HINT1: variants seen among roughly 807,000 people sequenced by gnomAD.
HINT1 encodes the protein adenosine 5'-monophosphoramidase HINT1.
Under a neutral mutation model 11.2 loss-of-function variants are expected in HINT1, and 12 were observed. The observed-to-expected ratio is 1.07, with a 90% CI of 0.69 to 1.74. HINT1 has a LOEUF of 1.74. Among genes scored for constraint, HINT1 ranks in the 40% most tolerant of loss-of-function variants. The probability of loss-of-function intolerance (pLI) is 0.00; values close to 1 mark genes in which losing one functional copy is unlikely to be tolerated. For synonymous variants in HINT1, 42 were observed against 52.6 expected (o/e 0.80, Z 0.87); for missense variants, 150 against 161.8 (o/e 0.93, Z 0.40).
chr5:131,161,750 T>C (rs1755255040), intron 2 of HINT1, among the ~76,000 whole-genome samples: 1 of 152,194 alleles, frequency 6.6e-6, no homozygotes, highest in African/African-American at 2.4e-5. Context: ...GTTTCTAAGT[T>C]TCAGAAATAA....
rs1755240094 is a variant in HINT1, at chr5:131,161,252, A to G, written c.216+1320T>C. On this transcript the variant is annotated intron_variant, in intron 2 of 2. Transcript: ENST00000304043. ...TCCTTACAGAAAAGAGCTGCATTTG[A>G]GTAAGAAGCTCTGACCTTAAAATGC... Among the ~76,000 whole-genome samples, 4 of 152,196 alleles carry G rather than the reference A, an allele frequency of 2.6e-5. No individual in the cohort carries two copies. The South Asian group carries it at 8.3e-4, about 31-fold the overall frequency.
intron 1 of HINT1, 69 bp downstream of exon 1, chr5:131,165,011 CCCTCCTCTCCCTCCG>C (rs777567225): frequency 6.3e-7 from 1 of 1,583,660 alleles, no homozygotes; most frequent in South Asian, 1.1e-5. Context: ...CACTCGCGAC[CCCTCCTCTCCCTCCG>C]CGAGAAACCC....
Position 131,164,049 on chromosome 5 carries a change from AT to A in HINT1, c.111+1045del, listed in dbSNP as rs970998918. ...AATTTCCCCTGAGTAGAGACAAAGT[AT>A]TTTTTTTTTTAATTTACCTAGAGGA... is the stretch of plus-strand genomic sequence containing the variant. On this transcript the variant is annotated intron_variant, in intron 1 of 2. Coordinates refer to ENST00000304043, the MANE Select transcript of HINT1 (RefSeq NM_005340.7). Among the ~76,000 whole-genome samples the A allele has an allele frequency of 6.8e-3, 1,010 of 149,072 alleles. 7 individuals are homozygous for A. Among genetic ancestry groups the A allele is most frequent in the African/African-American group, 0.016 (640 of 41,056 alleles).
At position 131,159,569 on chromosome 5, in the gene HINT1, C is replaced by A; in HGVS notation, c.259G>T (p.Asp87Tyr). 6.2e-7 allele frequency: 1 copy of A among 1,613,710 alleles called. No individual in the cohort carries two copies. Residue 87 changes from aspartate (D) to tyrosine (Y), a missense_variant, in exon 3 of 3, where the codon GAT (aspartate) becomes TAT (tyrosine). Transcript: ENST00000304043. The stretch of plus-strand genomic sequence containing the variant: ...CGATAACCCTTATTCAGGCCCAGAT[C>A]AGCAGCACATTTCTTGCCAACAATC... ...LMIVGKKCAA[D>Y]LGLNKGYRMV...
intron 2 of HINT1, among the ~76,000 whole-genome samples, chr5:131,161,688 T>C (rs1002780012): frequency 3.3e-5 from 5 of 152,222 alleles, no homozygotes; most frequent in Non-Finnish European, 5.9e-5. Flanking sequence ...GCTCTAATCT[T>C]TGAACTCTGT....
At chr5:131,161,492 C>T (rs990175331) in intron 2 of HINT1, among the ~76,000 whole-genome samples, 1 of 150,992 alleles carries the variant, frequency 6.6e-6, no homozygotes, top group African/African-American at 2.4e-5. Flanking sequence ...CCCAGCTACT[C>T]AGGAGGGCAG....
intron 2 of HINT1, among the ~76,000 whole-genome samples, chr5:131,160,185 T>A (rs1054923883): frequency 1.6e-5 from 2 of 121,510 alleles, no homozygotes; most frequent in African/African-American, 1.1e-4. Flanking sequence ...CCAAGTGCTG[T>A]TTTAAGTTTT....
intron 1 of HINT1, among the ~76,000 whole-genome samples, chr5:131,164,499 A>G (rs1004789005): frequency 6.6e-6 from 1 of 152,098 alleles, no homozygotes; most frequent in Admixed American, 6.5e-5. Context: ...CTTGGGGTGG[A>G]GATAGGGATA....
intron 1 of HINT1, 57 bp from the exon 2 acceptor site, chr5:131,162,733 A>G (rs950996517): frequency 8.9e-7 from 1 of 1,121,312 alleles, no homozygotes; most frequent in African/African-American, 1.6e-5. Context: ...GGTAGGATAA[A>G]ACTTATTTCA....
rs1354963469 is a variant in HINT1 at position 131,162,108 on chromosome 5, G to A, written c.216+464C>T. 6.3e-5 allele frequency: 21 copies of A among 333,656 alleles called. No individual in the cohort carries two copies. The East Asian group carries it at 7.4e-4, about 12-fold the overall frequency. The allele number at this position is 333,656 out of a possible 1,614,324, so 20.7% of individuals were successfully genotyped here. A position where few individuals can be genotyped will look rare whatever the true frequency, so the allele number is the denominator to read the frequency against. On this transcript the variant is annotated intron_variant, in intron 2 of 2. Coordinates refer to ENST00000304043, the MANE Select transcript of HINT1 (RefSeq NM_005340.7). ...TGGGAGGCCGAGGCGGGCGGATCAC[G>A]AGGTCAGGAAATCGAAACTATCCTG...
intron 2 of HINT1, among the ~76,000 whole-genome samples, chr5:131,161,824 C>A (rs1755257002): frequency 6.6e-6 from 1 of 152,138 alleles, no homozygotes. Flanking sequence ...ATGGGTTTGA[C>A]CCGTGCAGGT....
At position 131,159,038 on chromosome 5, in the gene HINT1, A is replaced by G. The variant is rs1683952332; in HGVS notation, c.*409T>C. 1 of 154,992 alleles carries G rather than the reference A, an allele frequency of 6.5e-6. No homozygotes were observed. The highest frequency in any genetic ancestry group is 2.4e-5 in the African/African-American group (1 of 41,514). 9.6% of individuals were successfully genotyped at this position (154,992 alleles called of 1,614,324 possible). On this transcript the variant is annotated 3_prime_UTR_variant, in exon 3 of 3. Transcript: ENST00000304043. ...ATTTCCTATGTTCTTAGAAAATGTGAGAATTAGCTTAAAAATCTAAGTTGG... is the reference window on the plus strand; with the variant it reads ...ATTTCCTATGTTCTTAGAAAATGTGGGAATTAGCTTAAAAATCTAAGTTGG...
chr5:131,160,606 T>C, intron 2 of HINT1: 1 of 593,174 alleles, frequency 1.7e-6, no homozygotes, highest in Middle Eastern at 4.0e-4. Flanking sequence ...GAGTCTTACA[T>C]TTCTATTCCC....
intron 2 of HINT1, chr5:131,162,148 A>C: frequency 2.2e-6 from 1 of 460,604 alleles, no homozygotes; most frequent in Non-Finnish European, 3.8e-6. Context: ...ACATGGTGAA[A>C]GCCGTCTCTA....
rs11558045 is a variant in HINT1 at position 131,159,324 on chromosome 5, G to A, written c.*123C>T. The A allele has an allele frequency of 2.4e-5, 17 of 697,942 alleles. No individual in the cohort carries two copies. The highest frequency in any genetic ancestry group is 1.6e-4 in the East Asian group (6 of 36,814). 43.2% of individuals were successfully genotyped at this position (697,942 alleles called of 1,614,324 possible). ...CAACAATGTCTTTTATTATGTATGCGGTTTTAAAATTATTTCTTGAATCTC... is the reference window on the plus strand; with the variant it reads ...CAACAATGTCTTTTATTATGTATGCAGTTTTAAAATTATTTCTTGAATCTC... On this transcript the variant is annotated 3_prime_UTR_variant, in exon 3 of 3. Coordinates refer to ENST00000304043, the MANE Select transcript of HINT1 (RefSeq NM_005340.7).
At chr5:131,162,504 C>T in intron 2 of HINT1, 68 bp downstream of exon 2, 1 of 1,602,050 alleles carries the variant, frequency 6.2e-7, no homozygotes. Flanking sequence ...TGTGACAGCA[C>T]TTTAAGGACA....
At chr5:131,162,987 G>C (rs1755296610) in intron 1 of HINT1, among the ~76,000 whole-genome samples, 2 of 152,122 alleles carry the variant, frequency 1.3e-5, no homozygotes, top group African/African-American at 2.4e-5. Flanking sequence ...ACAGGCACGT[G>C]CCATCATGCC....
rs149782619 is a variant in HINT1, at chr5:131,165,096, C to G, written c.110G>C (p.Arg37Pro). The change falls in exon 1 of 3, where the codon CGG becomes CCG. Residue 37 changes from arginine to proline, a missense_variant and splice_region_variant. Coordinates refer to ENST00000304043, the MANE Select transcript of HINT1 (RefSeq NM_005340.7). ...AGAGAGGTGGTGCCCAGTACCTACC[C>G]GGTCATCCTCAAAAATGATTTTGGC... ...IPAKIIFEDDRCLAFHDISPQ... is the reference protein window; with the variant it reads ...IPAKIIFEDDPCLAFHDISPQ... 358 of 1,613,686 alleles carry G rather than the reference C, an allele frequency of 2.2e-4. No homozygotes were observed. The highest frequency in any genetic ancestry group is 2.5e-4 in the Non-Finnish European group (290 of 1,179,880).
At chr5:131,160,107 A>C (rs922464046) in intron 2 of HINT1, among the ~76,000 whole-genome samples, 2 of 151,986 alleles carry the variant, frequency 1.3e-5, no homozygotes, top group Admixed American at 1.3e-4. Flanking sequence ...GCCCACCTTA[A>C]CTTCCAAAGT....
Sources: gnomAD v4.1 joint callset for allele counts (sites outside exome capture counted in the v4.1 genomes callset) on GRCh38, gnomAD v4.1.1 for gene constraint, MANE v1.5 for transcripts, NCBI Gene and HGNC (gene_info 2026-07-23, HGNC 2026-07-21) for gene names.